PTPN13: variants seen among roughly 807,000 people sequenced by gnomAD.
The protein encoded by PTPN13 is protein tyrosine phosphatase non-receptor type 13.
Under a neutral mutation model 284.0 loss-of-function variants are expected in PTPN13, and 191 were observed. That is an observed-to-expected ratio of 0.67 (90% CI 0.60 to 0.76). PTPN13 has a LOEUF of 0.76. Ranked by LOEUF, PTPN13 falls within the 30% of genes least tolerant of loss-of-function variation. PTPN13 has a pLI of 0.00. For missense variants in PTPN13, 2,797 were observed against 2,939.9 expected, an observed-to-expected ratio of 0.95 and a Z score of 1.12; for synonymous variants, 986 against 1,022.3, an observed-to-expected ratio of 0.96 and a Z score of 0.68.
intron 2 of PTPN13, among the ~76,000 whole-genome samples, chr4:86,644,211 T>C (rs1170580994): frequency 1.3e-5 from 2 of 152,064 alleles, no homozygotes; most frequent in Non-Finnish European, 2.9e-5. Context: ...CTTGGCTCAC[T>C]GTAACCTCTG....
intron 32 of PTPN13, among the ~76,000 whole-genome samples, chr4:86,774,120 GTC>G (rs1053274495): frequency 6.6e-6 from 1 of 152,050 alleles, no homozygotes; most frequent in African/African-American, 2.4e-5. Flanking sequence ...AGTAAATTCT[GTC>G]TCTGCTGTCT....
In PTPN13 at chr4:86,737,969, C is replaced by T. The variant is rs140557441; in HGVS notation, c.2304+2223C>T. Among the ~76,000 whole-genome samples, 1,412 of 152,284 alleles carry T rather than the reference C, an allele frequency of 9.3e-3. 14 individuals are homozygous for T. The highest frequency in any genetic ancestry group is 0.015 in the Non-Finnish European group (1,028 of 68,006). On this transcript the variant is annotated intron_variant, in intron 15 of 47. Coordinates refer to ENST00000411767, the MANE Select transcript of PTPN13 (RefSeq NM_080683.3). ...GGTCTCGATCTCTTGACCTTGTGAT[C>T]CGCCCACCTTGGCCTCCCAAAGTGC...
At position 86,753,010 on chromosome 4, in the gene PTPN13, A is replaced by G. The variant is rs777670380; in HGVS notation, c.3168A>G (p.Gly1056=). ...TCTAATATTTAATTTATGCCACAGG[A>G]ATGACTATGCATAGTTCTGGAAACT... ...IEDPGQAYVL[G]MTMHSSGNSS... is the part of the protein sequence containing the mutation. Residue 1056 remains glycine (G), a splice_region_variant and synonymous_variant, in exon 20 of 48, where the codon GGA becomes GGG. Coordinates refer to ENST00000411767, the MANE Select transcript of PTPN13 (RefSeq NM_080683.3). The G allele has an allele frequency of 6.2e-7, 1 of 1,602,386 alleles. No individual in the cohort carries two copies. Among genetic ancestry groups the G allele is most frequent in the Admixed American group, 1.7e-5 (1 of 59,476 alleles).
intron 28 of PTPN13, among the ~76,000 whole-genome samples, chr4:86,769,257 G>A (rs12498681): frequency 0.083 from 12,640 of 151,710 alleles, 650 homozygotes; most frequent in Non-Finnish European, 0.11. Context: ...TCTTTCTCAC[G>A]CTGTATACCT....
At chr4:86,781,040 G>A (rs1416548336) in intron 36 of PTPN13, among the ~76,000 whole-genome samples, 10 of 152,216 alleles carry the variant, frequency 6.6e-5, no homozygotes, top group Admixed American at 5.9e-4. Context: ...TTTTGAACCG[G>A]TGGTGTATTA....
intron 1 of PTPN13, among the ~76,000 whole-genome samples, chr4:86,612,108 A>G (rs1479961058): frequency 6.6e-6 from 1 of 152,190 alleles, no homozygotes. Flanking sequence ...TTAAAATAAG[A>G]CCTGAAAAGA....
rs373258543 is a variant in PTPN13, at chr4:86,758,076, T to C, written c.3224-184T>C. On this transcript the variant is annotated intron_variant, in intron 20 of 47. Coordinates refer to ENST00000411767, the MANE Select transcript of PTPN13 (RefSeq NM_080683.3). ...TATGAAGAATAAATGTAATACGTAG[T>C]CATTTTATAAATTATAAATCACTAT... Among the ~76,000 whole-genome samples the C allele has an allele frequency of 3.3e-5, 5 of 152,300 alleles. No homozygotes were observed. In the East Asian group the frequency reaches 7.7e-4, roughly 23 times the overall value.
At chr4:86,806,197 T>TACATGTATAAAAATC (rs974270271) in intron 44 of PTPN13, among the ~76,000 whole-genome samples, 3 of 151,948 alleles carry the variant, frequency 2.0e-5, no homozygotes, top group African/African-American at 7.2e-5. Flanking sequence ...CAGTAATTTT[T>TACATGTATAAAAATC]ACATGTATAA....
intron 9 of PTPN13, 89 bp downstream of exon 9, chr4:86,717,206 T>TG: frequency 1.1e-6 from 1 of 917,196 alleles, no homozygotes; most frequent in African/African-American, 1.7e-5. Flanking sequence ...TTTTTTTTTT[T>TG]GAGACGGAGT....
At chr4:86,671,362 T>C (rs891931190) in intron 2 of PTPN13, among the ~76,000 whole-genome samples, 1 of 152,162 alleles carries the variant, frequency 6.6e-6, no homozygotes, top group Non-Finnish European at 1.5e-5. Flanking sequence ...TTTATTCAGA[T>C]TGAATAATGG....
intron 1 of PTPN13, among the ~76,000 whole-genome samples, chr4:86,595,434 A>G (rs1273144576): frequency 1.3e-5 from 2 of 152,196 alleles, no homozygotes; most frequent in African/African-American, 2.4e-5. Flanking sequence ...GACAGCTGGG[A>G]AGCTAAAGTT....
chr4:86,735,957 T>C (rs1489764002), intron 15 of PTPN13, among the ~76,000 whole-genome samples: 1 of 152,168 alleles, frequency 6.6e-6, no homozygotes, highest in Admixed American at 6.5e-5. Flanking sequence ...CCCAGAGATA[T>C]GGGGCAGATA....
chr4:86,605,010 A>C (rs1351647692), intron 1 of PTPN13, among the ~76,000 whole-genome samples: 1 of 152,004 alleles, frequency 6.6e-6, no homozygotes, highest in Non-Finnish European at 1.5e-5. Context: ...TGAGTCTTGA[A>C]GACATTAAAT....
chr4:86,786,664 C>G (rs1031491465), intron 40 of PTPN13, among the ~76,000 whole-genome samples: 1 of 152,060 alleles, frequency 6.6e-6, no homozygotes, highest in African/African-American at 2.4e-5. Context: ...AAAATAGGCT[C>G]TTTAGAGAAG....
At chr4:86,740,339 T>C (rs1172501693) in intron 15 of PTPN13, among the ~76,000 whole-genome samples, 1 of 152,192 alleles carries the variant, frequency 6.6e-6, no homozygotes, top group East Asian at 1.9e-4. Context: ...TTCCCAGACC[T>C]CAGTTCTTGA....
chr4:86,604,230 A>G (rs1764556780), intron 1 of PTPN13, among the ~76,000 whole-genome samples: 1 of 151,994 alleles, frequency 6.6e-6, no homozygotes, highest in Non-Finnish European at 1.5e-5. Flanking sequence ...AATTTAATCT[A>G]TTTCTGATCT....
chr4:86,701,627 G>C lies in PTPN13; in HGVS notation c.1021G>C (p.Glu341Gln). Reference protein sequence around the residue: ...VRTSTTPRKKEARYSDGSIAL... With the variant: ...VRTSTTPRKKQARYSDGSIAL... Reference sequence around the variant, plus strand: ...GACTTCAACTACTCCTAGAAAAAAGGAGGCAAGATACTCAGATGGAAGTAT... The same window carrying C: ...GACTTCAACTACTCCTAGAAAAAAGCAGGCAAGATACTCAGATGGAAGTAT... Residue 341 changes from glutamate to glutamine, a missense_variant, in exon 7 of 48, where the codon GAG becomes CAG. Coordinates refer to ENST00000411767, the MANE Select transcript of PTPN13 (RefSeq NM_080683.3). 1 of 1,613,966 alleles carries C rather than the reference G, an allele frequency of 6.2e-7. No individual in the cohort carries two copies. The highest frequency in any genetic ancestry group is 8.5e-7 in the Non-Finnish European group (1 of 1,179,866).
At chr4:86,656,375 A>G (rs542879578) in intron 2 of PTPN13, among the ~76,000 whole-genome samples, 3 of 152,276 alleles carry the variant, frequency 2.0e-5, no homozygotes, top group Admixed American at 6.5e-5. Flanking sequence ...TTCTGGTTTT[A>G]TCTACCTTTG....
At chr4:86,726,250 C>G (rs1189452521) in intron 10 of PTPN13, among the ~76,000 whole-genome samples, 2 of 149,422 alleles carry the variant, frequency 1.3e-5, no homozygotes, top group Admixed American at 6.7e-5. Flanking sequence ...AGTCAGGTAG[C>G]ATGATGCCTC....
Sources: gnomAD v4.1 joint callset for allele counts (sites outside exome capture counted in the v4.1 genomes callset) on GRCh38, gnomAD v4.1.1 for gene constraint, MANE v1.5 for transcripts, NCBI Gene and HGNC (gene_info 2026-07-23, HGNC 2026-07-21) for gene names.